Variants in ZNF878 observed in about 807,000 individuals in gnomAD.
ZNF878 encodes the protein zinc finger protein 878.
ZNF878 carries 10 observed loss-of-function variants against 11.1 expected under a neutral mutation model. That is an observed-to-expected ratio of 0.90 (90% confidence interval 0.56 to 1.53). The LOEUF (loss-of-function observed/expected upper bound fraction) is 1.53. Among genes scored for constraint, ZNF878 ranks in the 40% most tolerant of loss-of-function variants. The pLI is 0.00. For missense variants in ZNF878, 548 were observed against 626.1 expected, an observed-to-expected ratio of 0.88 and a Z score of 1.33; for synonymous variants, 165 against 209.7, an observed-to-expected ratio of 0.79 and a Z score of 1.84.
intron 1 of ZNF878, among the ~76,000 whole-genome samples, chr19:12,047,392 C>T (rs987369701): frequency 2.7e-5 from 4 of 150,544 alleles, no homozygotes; most frequent in South Asian, 2.1e-4. Flanking sequence ...GGCAAAACCC[C>T]GTCTCTACTA....
At chr19:12,046,186 C>T in intron 3 of ZNF878, 182 bp downstream of exon 3, 1 of 525,194 alleles carries the variant, frequency 1.9e-6, no homozygotes. Flanking sequence ...TCCATCCTGA[C>T]CTCCAAAAGG....
chr19:12,052,918 C>G lies in ZNF878; in HGVS notation c.-117G>C, dbSNP rs897009889. The G allele has an allele frequency of 2.1e-6, 3 of 1,454,232 alleles. No individual in the cohort carries two copies. The highest frequency in any genetic ancestry group is 2.8e-6 in the Non-Finnish European group (3 of 1,078,824). 90.1% of individuals were successfully genotyped at this position (1,454,232 alleles called of 1,614,324 possible). A position where few individuals can be genotyped will look rare whatever the true frequency, so the allele number is the denominator to read the frequency against. On this transcript the variant is annotated 5_prime_UTR_variant, in exon 1 of 4. Coordinates refer to ENST00000547628, the MANE Select transcript of ZNF878 (RefSeq NM_001080404.3). ...CGGAAGTAACTGGTCCCTCTCGGAG[C>G]AAGAAAGCCCCAGACCTTAACTAGC...
Position 12,052,809 on chromosome 19 carries a change from CTTCCAGGTA to C in ZNF878, c.-17_-9del. Reference sequence around the variant, plus strand: ...GCACCGCATGCTCACCATTTCCTGGCTTCCAGGTATTCTGGCGTCCTCTCTAAAGGTCCC... The same window carrying C: ...GCACCGCATGCTCACCATTTCCTGGCTTCTGGCGTCCTCTCTAAAGGTCCC... On this transcript the variant is annotated 5_prime_UTR_variant, in exon 1 of 4. Transcript: ENST00000547628. 1.3e-6 allele frequency: 2 copies of C among 1,536,000 alleles called. No individual in the cohort carries two copies.
Position 12,045,207 on chromosome 19 carries a change from C to A in ZNF878, c.194G>T (p.Arg65Ile). Residue 65 changes from arginine to isoleucine, a missense_variant and splice_region_variant, in exon 4 of 4, where the codon AGA becomes ATA. Arg to Ile is a moderately conservative substitution (Grantham distance 97). Around this residue, in one of 3 missense-constraint regions of ZNF878, gnomAD observed 160 missense variants for 173.3 expected, o/e 0.92. Transcript: ENST00000547628. The stretch of plus-strand genomic sequence containing the variant: ...TTCAGAGAGTCTCTCCCCTATAAGT[C>A]TTCTGTGAACAATGAAAGCACATTA... ...EHQNPRRNLRRLIGERLSESK... is the reference protein window; with the variant it reads ...EHQNPRRNLRILIGERLSESK... 6.3e-7 allele frequency: 1 copy of A among 1,589,624 alleles called. No homozygotes were observed. The highest frequency in any genetic ancestry group is 1.1e-5 in the South Asian group (1 of 87,898).
In ZNF878 at chr19:12,043,984, G is replaced by C. The variant is rs67102109; in HGVS notation, c.1417C>G (p.His473Asp). ...SNSIRYHKRT[H>D]TGEKPYKCKQ... ...CATTTATAGGGTTTCTCTCCAGTGT[G>C]AGTCCTTTTATGATAGCGAATAGAA... Residue 473 changes from histidine (H) to aspartate (D), a missense_variant, in exon 4 of 4, where the codon CAC becomes GAC. Around this residue, in one of 3 missense-constraint regions of ZNF878, gnomAD observed 335 missense variants for 358.2 expected, o/e 0.94. Coordinates refer to ENST00000547628, the MANE Select transcript of ZNF878 (RefSeq NM_001080404.3). 0.074 allele frequency: 119,048 copies of C among 1,612,402 alleles called. 4,569 individuals carry two copies. The highest frequency in any genetic ancestry group is 0.093 in the Middle Eastern group (566 of 6,062).
chr19:12,052,844 G>A lies in ZNF878; in HGVS notation c.-43C>T. 1 of 1,535,820 alleles carries A rather than the reference G, an allele frequency of 6.5e-7. No individual in the cohort carries two copies. The highest frequency in any genetic ancestry group is 8.7e-7 in the Non-Finnish European group (1 of 1,146,644). On this transcript the variant is annotated 5_prime_UTR_variant, in exon 1 of 4. In the 5' UTR this introduces an upstream ATG that the reference lacks. Transcript: ENST00000547628. ...TTCTGGCGTCCTCTCTAAAGGTCCC[G>A]TGAACAGTGCAGGTCACAGCGCAGT...
chr19:12,046,426 T>C lies in ZNF878; in HGVS notation c.133A>G (p.Lys45Glu). 6.3e-7 allele frequency: 1 copy of C among 1,575,806 alleles called. No individual in the cohort carries two copies. The highest frequency in any genetic ancestry group is 2.3e-5 in the East Asian group (1 of 43,708). The change falls in exon 3 of 4, where the codon AAA becomes GAA. Residue 45 changes from lysine to glutamate, a missense_variant and splice_region_variant. Transcript: ENST00000547628. ...TCAATGTACTGGTTGTTCCATTTTT[T>C]TCCTAAAATGCGGACCCAGAAAAAT... ...ETLRNLTSIG[K>E]KWNNQYIEDE...
In ZNF878 at chr19:12,046,635, T is replaced by C; in HGVS notation, c.129A>G (p.Ile43Met). Reference sequence around the variant, plus strand: ...GGGAAGTAATACTGTCATTCTTACCTATGGAGGTCAGGTTCCTCAAGGTTT... The same window carrying C: ...GGGAAGTAATACTGTCATTCTTACCCATGGAGGTCAGGTTCCTCAAGGTTT... ...MQETLRNLTS[I>M]GKKWNNQYIE... is the part of the protein sequence containing the mutation. Residue 43 changes from isoleucine to methionine, a missense_variant and splice_region_variant, in exon 2 of 4, where the codon ATA (isoleucine) becomes ATG (methionine). Transcript: ENST00000547628. The C allele has an allele frequency of 6.2e-7, 1 of 1,614,056 alleles. No individual in the cohort carries two copies. The highest frequency in any genetic ancestry group is 2.2e-5 in the East Asian group (1 of 44,872).
At position 12,044,067 on chromosome 19, in the gene ZNF878, T is replaced by C. The variant is rs780936531; in HGVS notation, c.1334A>G (p.His445Arg). The change falls in exon 4 of 4, where the codon CAC becomes CGC. Residue 445 changes from histidine (H) to arginine (R), a missense_variant. Physicochemically the swap from His to Arg is conservative, Grantham distance 29. Around this residue, in one of 3 missense-constraint regions of ZNF878, gnomAD observed 335 missense variants for 358.2 expected, o/e 0.94. Transcript: ENST00000547628. ...ASQLKMHERTHTGEKPYECKQ... is the reference protein window; with the variant it reads ...ASQLKMHERTRTGEKPYECKQ... ...ACACTCATAGGGTTTCTCTCCTGTG[T>C]GAGTCCTTTCATGCATTTTAAGTTG... The C allele has an allele frequency of 3.6e-5, 58 of 1,614,030 alleles. No individual in the cohort carries two copies. In the East Asian group the frequency reaches 1.2e-3, roughly 35 times the overall value.
At chr19:12,049,418 G>A (rs1423897781) in intron 1 of ZNF878, among the ~76,000 whole-genome samples, 2 of 114,356 alleles carry the variant, frequency 1.7e-5, no homozygotes, top group East Asian at 5.9e-4. Context: ...CAGAGATGGT[G>A]TCACTGCACT....
intron 3 of ZNF878, among the ~76,000 whole-genome samples, chr19:12,045,411 GC>G (rs1187854540): frequency 1.3e-5 from 2 of 152,180 alleles, no homozygotes; most frequent in East Asian, 3.9e-4. Context: ...ACTTTGGGAG[GC>G]CGAGGAGGGT....
Position 12,044,970 on chromosome 19 carries a change from T to G in ZNF878, c.431A>C (p.Glu144Ala). ...GAATGCTTTCCCACATTCCTTACATTCATAAGGCTTTTCCCCAGTGTGAGT... is the reference window on the plus strand; with the variant it reads ...GAATGCTTTCCCACATTCCTTACATGCATAAGGCTTTTCCCCAGTGTGAGT... ...GRTHTGEKPY[E>A]CKECGKAFRF... Residue 144 changes from glutamate to alanine, a missense_variant, in exon 4 of 4, where the codon GAA (glutamate) becomes GCA (alanine). Coordinates refer to ENST00000547628, the MANE Select transcript of ZNF878 (RefSeq NM_001080404.3). 1 of 1,614,204 alleles carries G rather than the reference T, an allele frequency of 6.2e-7. No individual in the cohort carries two copies. Among genetic ancestry groups the G allele is most frequent in the African/African-American group, 1.3e-5 (1 of 75,050 alleles).
In ZNF878 at chr19:12,043,904, C is replaced by T. The variant is rs758143939; in HGVS notation, c.1497G>A (p.Arg499=). The T allele has an allele frequency of 1.1e-5, 17 of 1,613,744 alleles. No individual in the cohort carries two copies. In the East Asian group the frequency reaches 3.6e-4, roughly 34 times the overall value. ...CATAGGGTTTCTCTCCAGTATGAAT[C>T]CTTTCATGGTAGAGAAAAGAGTTGG... The part of the protein sequence containing the change: ...ISSNSFLYHE[R]IHTGEKPYEC... The change falls in exon 4 of 4, where the codon AGG becomes AGA. Residue 499 remains arginine (R), a synonymous_variant. Transcript: ENST00000547628.
At position 12,045,224 on chromosome 19, in the gene ZNF878, A is replaced by G; in HGVS notation, c.192-15T>C. On this transcript the variant is annotated splice_polypyrimidine_tract_variant and intron_variant, in intron 3 of 3. Coordinates refer to ENST00000547628, the MANE Select transcript of ZNF878 (RefSeq NM_001080404.3). ...CTATAAGTCTTCTGTGAACAATGAA[A>G]GCACATTATAATGGGTTTATCACTA... The G allele has an allele frequency of 6.4e-7, 1 of 1,566,650 alleles. No individual in the cohort carries two copies. Among genetic ancestry groups the G allele is most frequent in the African/African-American group, 1.4e-5 (1 of 73,306 alleles).
At chr19:12,043,753 G>C, downstream of ZNF878, 1 of 1,484,690 alleles carries the variant, frequency 6.7e-7, no homozygotes, top group Non-Finnish European at 9.0e-7. Flanking sequence ...TGCATTTGAA[G>C]TTCTGAGTCC....
In ZNF878 at chr19:12,044,494, T is replaced by C. The variant is rs760079798; in HGVS notation, c.907A>G (p.Arg303Gly). 6 of 1,613,898 alleles carry C rather than the reference T, an allele frequency of 3.7e-6. No individual in the cohort carries two copies. In the South Asian group the frequency reaches 6.6e-5, roughly 18 times the overall value. ...RSVKYLRVHE[R>G]KHTGEKPYEC... Reference sequence around the variant, plus strand: ...TAGGGTTTCTCTCCAGTGTGTTTTCTTTCATGTACTCGCAGGTACTTGACA... The same window carrying C: ...TAGGGTTTCTCTCCAGTGTGTTTTCCTTCATGTACTCGCAGGTACTTGACA... The change falls in exon 4 of 4, where the codon AGA (arginine) becomes GGA (glycine). Residue 303 changes from arginine to glycine, a missense_variant. Around this residue, in one of 3 missense-constraint regions of ZNF878, gnomAD observed 335 missense variants for 358.2 expected, o/e 0.94. Transcript: ENST00000547628.
Position 12,052,939 on chromosome 19 carries a change from C to T in ZNF878, c.-138G>A, listed in dbSNP as rs867952768. 2.2e-6 allele frequency: 3 copies of T among 1,376,560 alleles called. No individual in the cohort carries two copies. In the Middle Eastern group the frequency reaches 5.4e-4, roughly 246 times the overall value. 85.3% of individuals were successfully genotyped at this position (1,376,560 alleles called of 1,614,324 possible). A position where few individuals can be genotyped will look rare whatever the true frequency, so the allele number is the denominator to read the frequency against. ...GGAGCAAGAAAGCCCCAGACCTTAA[C>T]TAGCGCGAGCAGCCCTAGGAGTGAA... On this transcript the variant is annotated 5_prime_UTR_variant, in exon 1 of 4. Transcript: ENST00000547628.
At chr19:12,052,580 G>A (rs1975561971) in intron 1 of ZNF878, among the ~76,000 whole-genome samples, 1 of 152,202 alleles carries the variant, frequency 6.6e-6, no homozygotes, top group Admixed American at 6.5e-5. Context: ...GGCCGGGGCC[G>A]CAGTCGCCGC....
intron 1 of ZNF878, among the ~76,000 whole-genome samples, chr19:12,049,274 A>G (rs1367199689): frequency 1.3e-5 from 2 of 151,636 alleles, no homozygotes; most frequent in Non-Finnish European, 2.9e-5. Flanking sequence ...CAGCTCAGCC[A>G]AAGTGGTGAA....
Sources: allele counts gnomAD v4.1 joint callset (sites outside exome capture counted in the v4.1 genomes callset), GRCh38; gene constraint gnomAD v4.1.1; regional missense constraint gnomAD v4.1.1; transcripts MANE v1.5; gene names NCBI Gene and HGNC (gene_info 2026-07-23, HGNC 2026-07-21).